Variants in ALCAM observed in about 807,000 individuals in gnomAD.
ALCAM encodes the protein CD166 antigen.
Under a neutral mutation model 70.9 loss-of-function variants are expected in ALCAM, and 30 were observed. The observed-to-expected ratio is 0.42, with a 90% CI of 0.32 to 0.57. The LOEUF is 0.57. Ranked by LOEUF, ALCAM falls within the 20% of genes least tolerant of loss-of-function variation. The pLI is 0.11. For missense variants in ALCAM, 591 were observed against 695.1 expected, an observed-to-expected ratio of 0.85 and a Z score of 1.68; for synonymous variants, 249 against 242.5, an observed-to-expected ratio of 1.03 and a Z score of -0.25.
At chr3:105,438,975 C>T (rs141993182) in intron 1 of ALCAM, among the ~76,000 whole-genome samples, 1 of 152,090 alleles carries the variant, frequency 6.6e-6, no homozygotes, top group Admixed American at 6.6e-5. Flanking sequence ...TATAATACTA[C>T]AGACGAAGGT....
intron 6 of ALCAM, among the ~76,000 whole-genome samples, chr3:105,535,864 TC>T (rs1939956511): frequency 6.6e-6 from 1 of 152,054 alleles, no homozygotes; most frequent in South Asian, 2.1e-4. Context: ...GCTGAGCCTT[TC>T]GAAAGAATCA....
intron 1 of ALCAM, among the ~76,000 whole-genome samples, chr3:105,395,154 A>C (rs1219849697): frequency 6.7e-6 from 1 of 149,478 alleles, no homozygotes; most frequent in Non-Finnish European, 1.5e-5. Flanking sequence ...CAACTTATTA[A>C]CAAAGGATTT....
chr3:105,484,348 A>G (rs9819036), intron 1 of ALCAM, among the ~76,000 whole-genome samples: 60,773 of 150,402 alleles, frequency 0.4, 12,894 homozygotes, highest in Admixed American at 0.52. Context: ...AAGAATATCT[A>G]TGATCCGGAT....
At chr3:105,412,072 G>A (rs954820795) in intron 1 of ALCAM, among the ~76,000 whole-genome samples, 6 of 152,072 alleles carry the variant, frequency 3.9e-5, no homozygotes, top group Non-Finnish European at 8.8e-5. Flanking sequence ...GGCATTTAAT[G>A]TCAGGACTAA....
chr3:105,527,757 A>G (rs1939741949), intron 3 of ALCAM, among the ~76,000 whole-genome samples: 3 of 152,062 alleles, frequency 2.0e-5, no homozygotes, highest in African/African-American at 7.2e-5. Context: ...TATGATGATG[A>G]TAGGCCATGT....
At chr3:105,509,788 A>C (rs542803444) in intron 1 of ALCAM, among the ~76,000 whole-genome samples, 3 of 152,230 alleles carry the variant, frequency 2.0e-5, no homozygotes, top group South Asian at 4.1e-4. Flanking sequence ...TATCCAAAAA[A>C]ATTATTGCCA....
intron 1 of ALCAM, among the ~76,000 whole-genome samples, chr3:105,513,774 A>T (rs1054787760): frequency 6.6e-6 from 1 of 151,992 alleles, no homozygotes; most frequent in Non-Finnish European, 1.5e-5. Flanking sequence ...GCTAGTGTTG[A>T]TGCTGAAAGT....
chr3:105,404,286 A>G (rs1439737934), intron 1 of ALCAM, among the ~76,000 whole-genome samples: 1 of 152,132 alleles, frequency 6.6e-6, no homozygotes, highest in Non-Finnish European at 1.5e-5. Context: ...GCATGTAGTC[A>G]TCGTTATCTA....
chr3:105,479,864 A>G (rs1169235377), intron 1 of ALCAM, among the ~76,000 whole-genome samples: 1 of 152,170 alleles, frequency 6.6e-6, no homozygotes, highest in Non-Finnish European at 1.5e-5. Context: ...ATGTCTGCAA[A>G]GCTTTGAACC....
intron 1 of ALCAM, among the ~76,000 whole-genome samples, chr3:105,387,509 C>A (rs1295227871): frequency 1.3e-5 from 2 of 151,412 alleles, no homozygotes; most frequent in African/African-American, 4.8e-5. Context: ...AGTTGCTTCA[C>A]AAACAATACA....
chr3:105,569,536 T>A (rs1940819427), intron 14 of ALCAM, among the ~76,000 whole-genome samples: 2 of 152,078 alleles, frequency 1.3e-5, no homozygotes, highest in African/African-American at 2.4e-5. Flanking sequence ...TCAACTTGCT[T>A]ATAAAAAAAA....
chr3:105,386,396 T>A (rs1302075174), intron 1 of ALCAM, among the ~76,000 whole-genome samples: 1 of 151,606 alleles, frequency 6.6e-6, no homozygotes. Flanking sequence ...ATGGATTTGG[T>A]TCCAGTTACA....
chr3:105,472,689 G>A (rs1559803215), intron 1 of ALCAM, among the ~76,000 whole-genome samples: 1 of 151,280 alleles, frequency 6.6e-6, no homozygotes, highest in African/African-American at 2.4e-5. Flanking sequence ...ATTCTTGTAC[G>A]GATTGAGATG....
chr3:105,498,499 A>ATGTGTGTG (rs5851461), intron 1 of ALCAM, among the ~76,000 whole-genome samples: 15 of 150,200 alleles, frequency 1.0e-4, no homozygotes, highest in Admixed American at 4.6e-4. Context: ...AGCCTGCCAA[A>ATGTGTGTG]TGTGTGTGTG....
chr3:105,558,497 G>C (rs1311409309), intron 14 of ALCAM, among the ~76,000 whole-genome samples: 2 of 151,858 alleles, frequency 1.3e-5, no homozygotes, highest in African/African-American at 4.8e-5. Flanking sequence ...CACTTGTCCT[G>C]CCTCCTCTAT....
Position 105,541,202 on chromosome 3 carries a change from TTTC to T in ALCAM, c.859-427_859-425del, listed in dbSNP as rs1418708832. 6.5e-4 allele frequency among the ~76,000 whole-genome samples: 99 copies of T among 151,938 alleles called. 3 individuals carry two copies. The highest frequency in any genetic ancestry group is 2.3e-3 in the African/African-American group (95 of 41,528). Reference sequence around the variant, plus strand: ...CTTTCTCATTCTTCTCATTTCATCCTTTCTTCCTTTTTACTTTCCTTCCTTCCT... The same window carrying T: ...CTTTCTCATTCTTCTCATTTCATCCTTTCCTTTTTACTTTCCTTCCTTCCT... On this transcript the variant is annotated intron_variant, in intron 7 of 15. Transcript: ENST00000306107.
At chr3:105,462,337 GAACA>G (rs1937615338) in intron 1 of ALCAM, among the ~76,000 whole-genome samples, 1 of 151,386 alleles carries the variant, frequency 6.6e-6, no homozygotes, top group South Asian at 2.1e-4. Flanking sequence ...AAGAGAAAAA[GAACA>G]AATATTTTGA....
intron 3 of ALCAM, among the ~76,000 whole-genome samples, chr3:105,526,801 A>T (rs1053020246): frequency 2.0e-5 from 3 of 152,124 alleles, no homozygotes; most frequent in African/African-American, 7.2e-5. Context: ...CATTCTCTGC[A>T]TGTGTATATT....
chr3:105,390,977 A>G (rs1406033989), intron 1 of ALCAM, among the ~76,000 whole-genome samples: 2 of 152,120 alleles, frequency 1.3e-5, no homozygotes, highest in Admixed American at 6.6e-5. Context: ...TACCTGTACC[A>G]TGCTGTTTTG....
Sources: gnomAD v4.1 joint callset for allele counts (sites outside exome capture counted in the v4.1 genomes callset) on GRCh38, gnomAD v4.1.1 for gene constraint, MANE v1.5 for transcripts, NCBI Gene and HGNC (gene_info 2026-07-23, HGNC 2026-07-21) for gene names.